CLEC16A: variants seen among roughly 807,000 people sequenced by gnomAD.
CLEC16A encodes the protein protein CLEC16A.
Under a neutral mutation model 109.5 loss-of-function variants are expected in CLEC16A, and 51 were observed. The ratio of observed to expected loss-of-function variants is 0.47; its 90% confidence interval spans 0.37 to 0.59. The LOEUF is 0.59. Ranked by LOEUF, CLEC16A falls within the 20% of genes least tolerant of loss-of-function variation. CLEC16A has a pLI of 0.00. For missense variants in CLEC16A, 1,339 were observed against 1,394.0 expected, an observed-to-expected ratio of 0.96 and a Z score of 0.63; for synonymous variants, 673 against 564.2, an observed-to-expected ratio of 1.19 and a Z score of -2.73.
chr16:11,164,604 A>C lies in CLEC16A; in HGVS notation c.2642-1784A>C, dbSNP rs567653167. Among the ~76,000 whole-genome samples, 35 of 152,356 alleles carry C rather than the reference A, an allele frequency of 2.3e-4. No individual in the cohort carries two copies. In the East Asian group the frequency reaches 6.2e-3, roughly 27 times the overall value. ...GTCATCCCCTGCACCAGATGGGCAC[A>C]CTGCTTCTGTCCAGAGCCAGGTAAC... is the stretch of plus-strand genomic sequence containing the variant. On this transcript the variant is annotated intron_variant, in intron 22 of 23. Coordinates refer to ENST00000409790, the MANE Select transcript of CLEC16A (RefSeq NM_015226.3).
In CLEC16A at chr16:11,010,365, G is replaced by A. The variant is rs187990144; in HGVS notation, c.1303+7060G>A. ...TTGTTTATTCATCATGTATATTTTT[G>A]TAGTTGCTTTCTATTTATACTGGTT... On this transcript the variant is annotated intron_variant, in intron 11 of 23. Transcript: ENST00000409790. Among the ~76,000 whole-genome samples, 172 of 152,076 alleles carry A rather than the reference G, an allele frequency of 1.1e-3. 1 individual carries two copies. Among genetic ancestry groups the A allele is most frequent in the Non-Finnish European group, 1.3e-3 (85 of 67,966 alleles).
chr16:11,163,539 A>G (rs2054799339), intron 22 of CLEC16A, among the ~76,000 whole-genome samples: 2 of 152,188 alleles, frequency 1.3e-5, no homozygotes, highest in African/African-American at 4.8e-5. Flanking sequence ...CTGCCAATCT[A>G]TGACTTGATC....
At chr16:11,064,681 G>T (rs2048669381) in intron 19 of CLEC16A, among the ~76,000 whole-genome samples, 1 of 152,204 alleles carries the variant, frequency 6.6e-6, no homozygotes, top group African/African-American at 2.4e-5. Context: ...AGGGGCTGAG[G>T]TGGGAGGATC....
At chr16:11,173,869 C>G (rs2068629505) in intron 23 of CLEC16A, among the ~76,000 whole-genome samples, 1 of 152,164 alleles carries the variant, frequency 6.6e-6, no homozygotes, top group Non-Finnish European at 1.5e-5. Context: ...CAACAGGACT[C>G]CACCTTCTCT....
At chr16:11,150,960 A>G (rs900481852) in intron 22 of CLEC16A, among the ~76,000 whole-genome samples, 3 of 152,144 alleles carry the variant, frequency 2.0e-5, no homozygotes, top group Non-Finnish European at 4.4e-5. Flanking sequence ...CCAAATTTTC[A>G]TTTTTTAGGA....
rs1001856525 is a variant in CLEC16A, at chr16:11,042,354, C to G, written c.1761C>G (p.Ala587=). 1 of 1,583,926 alleles carries G rather than the reference C, an allele frequency of 6.3e-7. No homozygotes were observed. Among genetic ancestry groups the G allele is most frequent in the Non-Finnish European group, 8.6e-7 (1 of 1,165,138 alleles). ...GCATCATGAAGGACGTGCACCTGGC[C>G]TGCCTGGAGGTAACGCCCTCTCCGC... ...AGCIMKDVHL[A]CLEGAREESV... is the part of the protein sequence containing the mutation. The change falls in exon 15 of 24, where the codon GCC becomes GCG. Residue 587 remains alanine (A), a synonymous_variant. Transcript: ENST00000409790.
intron 10 of CLEC16A, among the ~76,000 whole-genome samples, chr16:11,000,938 A>C (rs971919978): frequency 2.6e-5 from 4 of 152,206 alleles, no homozygotes; most frequent in African/African-American, 9.7e-5. Context: ...ATAATGGAAA[A>C]GTTTATTTTG....
intron 11 of CLEC16A, among the ~76,000 whole-genome samples, chr16:11,018,319 C>T (rs558194057): frequency 2.0e-3 from 297 of 149,468 alleles, no homozygotes; most frequent in South Asian, 0.011. Flanking sequence ...GTGAAGAGGG[C>T]GTCCAGGAAG....
Position 11,015,093 on chromosome 16 carries a change from G to C in CLEC16A, c.1304-5100G>C, listed in dbSNP as rs147138842. On this transcript the variant is annotated intron_variant, in intron 11 of 23. Coordinates refer to ENST00000409790, the MANE Select transcript of CLEC16A (RefSeq NM_015226.3). ...TAAGGGTTGTTTCAGTACCTATAAG[G>C]GTTGTTTGGATAAAACTATCAAAAA... is the stretch of plus-strand genomic sequence containing the variant. 2.7e-3 allele frequency among the ~76,000 whole-genome samples: 408 copies of C among 152,230 alleles called. 3 individuals carry two copies. The highest frequency in any genetic ancestry group is 0.014 in the Middle Eastern group (4 of 294).
At chr16:11,002,560 A>G (rs1038704721) in intron 10 of CLEC16A, among the ~76,000 whole-genome samples, 2 of 152,134 alleles carry the variant, frequency 1.3e-5, no homozygotes, top group African/African-American at 4.8e-5. Flanking sequence ...GATGTATTGC[A>G]TTGTGGTGAA....
chr16:11,040,509 C>CTTTTCTT (rs1555466130), intron 14 of CLEC16A: 2 of 72,752 alleles, frequency 2.7e-5, no homozygotes, highest in Non-Finnish European at 4.9e-5. Context: ...AGCGCTTTTT[C>CTTTTCTT]TTTTCTTTTT....
chr16:10,951,556 G>A (rs1462954826), intron 1 of CLEC16A, among the ~76,000 whole-genome samples: 1 of 152,174 alleles, frequency 6.6e-6, no homozygotes, highest in African/African-American at 2.4e-5. Flanking sequence ...CTCCTGTGCT[G>A]CACCAGGGCC....
chr16:11,044,134 G>A (rs1362777126), intron 16 of CLEC16A, 62 bp downstream of exon 16: 2 of 1,426,794 alleles, frequency 1.4e-6, no homozygotes, highest in Non-Finnish European at 1.9e-6. Flanking sequence ...GAAGTGTGGT[G>A]TCTGGTTCTA....
At chr16:11,143,247 A>T (rs1028394106) in intron 22 of CLEC16A, among the ~76,000 whole-genome samples, 6 of 152,210 alleles carry the variant, frequency 3.9e-5, no homozygotes, top group Non-Finnish European at 8.8e-5. Flanking sequence ...TGCATTTATA[A>T]TACAGAGCCT....
chr16:11,115,017 T>C (rs1425346561), intron 19 of CLEC16A, among the ~76,000 whole-genome samples: 1 of 152,236 alleles, frequency 6.6e-6, no homozygotes, highest in East Asian at 1.9e-4. Flanking sequence ...TGTTCCGTTC[T>C]GGGGTTTTAT....
At chr16:11,018,995 T>C (rs553227852) in intron 11 of CLEC16A, among the ~76,000 whole-genome samples, 1 of 152,086 alleles carries the variant, frequency 6.6e-6, no homozygotes, top group African/African-American at 2.4e-5. Context: ...GAGAATACAT[T>C]AGGGTGGCAG....
chr16:11,170,210 C>T (rs560695185), intron 23 of CLEC16A, among the ~76,000 whole-genome samples: 1 of 152,170 alleles, frequency 6.6e-6, no homozygotes, highest in Non-Finnish European at 1.5e-5. Context: ...CGTGGCTGCT[C>T]TAGGGCCCAA....
chr16:11,078,457 A>G (rs976623757), intron 19 of CLEC16A, among the ~76,000 whole-genome samples: 1 of 152,082 alleles, frequency 6.6e-6, no homozygotes, highest in East Asian at 1.9e-4. Context: ...CTCCTTGCCC[A>G]CCTGCTAATC....
At chr16:11,009,875 C>G (rs1421616853) in intron 11 of CLEC16A, among the ~76,000 whole-genome samples, 2 of 152,034 alleles carry the variant, frequency 1.3e-5, no homozygotes, top group African/African-American at 2.4e-5. Context: ...ATATGGTGGC[C>G]AGGCGCAGTG....
Sources: gnomAD v4.1 joint callset for allele counts (sites outside exome capture counted in the v4.1 genomes callset) on GRCh38, gnomAD v4.1.1 for gene constraint, MANE v1.5 for transcripts, NCBI Gene and HGNC (gene_info 2026-07-23, HGNC 2026-07-21) for gene names.